The following IRX2 variants were observed in gnomAD, a reference collection of about 807,000 sequenced individuals.
The protein encoded by IRX2 is iroquois homeobox 2.
IRX2 carries 26 observed loss-of-function variants against 42.9 expected under a neutral mutation model. The ratio of observed to expected loss-of-function variants is 0.61; its 90% CI spans 0.44 to 0.84. IRX2 has a LOEUF of 0.84. IRX2 is among the 40% of genes least tolerant of loss of function. The probability of loss-of-function intolerance (pLI) is 0.00; values close to 1 mark genes in which losing one functional copy is unlikely to be tolerated. For synonymous variants in IRX2, 424 were observed against 353.9 expected, an observed-to-expected ratio of 1.20 and a Z score of -2.22; for missense variants, 782 against 713.9, an observed-to-expected ratio of 1.10 and a Z score of -1.09.
downstream of IRX2, among the ~76,000 whole-genome samples, chr5:2,741,804 T>C (rs3736344): frequency 1.3e-3 from 200 of 152,362 alleles, 1 homozygote; most frequent in Admixed American, 0.011. Context: ...TTTAAGAATA[T>C]TACATTTCAT....
At position 2,750,807 on chromosome 5, in the gene IRX2, G is replaced by T. The variant is rs528145872; in HGVS notation, c.249+358C>A. Among the ~76,000 whole-genome samples the T allele has an allele frequency of 1.3e-3, 197 of 152,326 alleles. 1 individual carries two copies. The highest frequency in any genetic ancestry group is 4.4e-3 in the African/African-American group (183 of 41,576). ...GCCAATGCAGGCGAGCACACAGCCCGCTCCGAACGCCTCCCCAGGCTGCGG... is the reference window on the plus strand; with the variant it reads ...GCCAATGCAGGCGAGCACACAGCCCTCTCCGAACGCCTCCCCAGGCTGCGG... On this transcript the variant is annotated intron_variant, in intron 1 of 3. Coordinates refer to ENST00000302057, the MANE Select transcript of IRX2 (RefSeq NM_033267.5).
chr5:2,736,061 C>G, the IRX2 span, among the ~76,000 whole-genome samples: 2 of 152,168 alleles, frequency 1.3e-5, no homozygotes, highest in Admixed American at 6.5e-5. Flanking sequence ...CTGAACTGAC[C>G]TTCTTACCCT....
In IRX2 at chr5:2,751,094, G is replaced by A; in HGVS notation, c.249+71C>T. On this transcript the variant is annotated intron_variant, in intron 1 of 3. Transcript: ENST00000302057. This position sits in a 1 kb window ranked among gnomAD's most constrained non-coding sequence, Gnocchi z 4.0. ...GGCGGCCCCCGCCCGCCGAACCCGA[G>A]CCCCGCTCCGCCTGAGCCCCGTCTG... 2 of 1,193,700 alleles carry A rather than the reference G, an allele frequency of 1.7e-6. No homozygotes were observed. The highest frequency in any genetic ancestry group is 2.1e-6 in the Non-Finnish European group (2 of 963,342). The allele number at this position is 1,193,700 out of a possible 1,614,324, so 73.9% of individuals were successfully genotyped here.
At chr5:2,743,692 T>C (rs899192194), downstream of IRX2, among the ~76,000 whole-genome samples, 4 of 152,228 alleles carry the variant, frequency 2.6e-5, no homozygotes, top group Non-Finnish European at 5.9e-5. Context: ...TTTTTGACTA[T>C]GAAAATTTTA....
chr5:2,747,304 CACAT>C lies in IRX2; in HGVS notation c.*256_*259del, dbSNP rs1345346265. Reference sequence around the variant, plus strand: ...TATATATATTACACACACACACACACACATATATATATATATTTTTTTTTTCCTT... The same window carrying C: ...TATATATATTACACACACACACACACATATATATATATTTTTTTTTTCCTT... On this transcript the variant is annotated 3_prime_UTR_variant, in exon 4 of 4. Coordinates refer to ENST00000302057, the MANE Select transcript of IRX2 (RefSeq NM_033267.5). 1.6e-5 allele frequency: 4 copies of C among 253,196 alleles called. No homozygotes were observed. The highest frequency in any genetic ancestry group is 8.1e-5 in the African/African-American group (3 of 37,004). The allele number at this position is 253,196 out of a possible 1,614,324, so 15.7% of individuals were successfully genotyped here. A position where few individuals can be genotyped will look rare whatever the true frequency, so the allele number is the denominator to read the frequency against.
chr5:2,745,678 T>A (rs796410052), downstream of IRX2, among the ~76,000 whole-genome samples: 7 of 152,324 alleles, frequency 4.6e-5, no homozygotes, highest in African/African-American at 1.7e-4. Context: ...CTTCCATAAA[T>A]TTGAATAATT....
the IRX2 span, among the ~76,000 whole-genome samples, chr5:2,737,480 G>T: frequency 9.8e-5 from 15 of 152,300 alleles, no homozygotes; most frequent in African/African-American, 3.6e-4. Context: ...AGCCTGCTAC[G>T]TGGGGCCCGG....
downstream of IRX2, among the ~76,000 whole-genome samples, chr5:2,744,430 T>A (rs1039859386): frequency 4.6e-5 from 7 of 152,196 alleles, no homozygotes; most frequent in Non-Finnish European, 8.8e-5. Flanking sequence ...TTCCTGCTGA[T>A]TTAGGAAATA....
In IRX2 at chr5:2,751,516, C is replaced by G. The variant is rs985444572; in HGVS notation, c.-103G>C. The G allele has an allele frequency of 1.1e-5, 9 of 840,578 alleles. No individual in the cohort carries two copies. The African/African-American group carries it at 1.3e-4, about 12-fold the overall frequency. The allele number at this position is 840,578 out of a possible 1,614,324, so 52.1% of individuals were successfully genotyped here. ...GGGGCGCGGCGCGGCGGCGGGCACC[C>G]GGACGGCCGGCGGAGGCAGGCCGGC... is the stretch of plus-strand genomic sequence containing the variant. On this transcript the variant is annotated 5_prime_UTR_variant, in exon 1 of 4. Transcript: ENST00000302057. This position sits in a 1 kb window ranked among gnomAD's most constrained non-coding sequence, Gnocchi z 4.0.
At position 2,748,331 on chromosome 5, in the gene IRX2, C is replaced by T. The variant is rs892460432; in HGVS notation, c.1363+14G>A. The T allele has an allele frequency of 7.2e-7, 1 of 1,390,862 alleles. No homozygotes were observed. Among genetic ancestry groups the T allele is most frequent in the Non-Finnish European group, 9.2e-7 (1 of 1,083,766 alleles). 86.2% of individuals were successfully genotyped at this position (1,390,862 alleles called of 1,614,324 possible). On this transcript the variant is annotated intron_variant, in intron 3 of 3. Coordinates refer to ENST00000302057, the MANE Select transcript of IRX2 (RefSeq NM_033267.5). ...CCCTCCCCTCCCGGGCGCCGCCGGC[C>T]GCGGGCCGCCTACCTTTCTTGGGCT...
chr5:2,747,741 GCCGCTA>G, intron 3 of IRX2, 125 bp from the exon 4 acceptor site: 1 of 885,304 alleles, frequency 1.1e-6, no homozygotes, highest in Non-Finnish European at 1.8e-6. Context: ...TGTCTCCAGG[GCCGCTA>G]TCTGAGACGA....
the IRX2 span, among the ~76,000 whole-genome samples, chr5:2,739,243 G>T: frequency 2.0e-5 from 3 of 152,228 alleles, no homozygotes; most frequent in African/African-American, 7.2e-5. Flanking sequence ...GCCGGCCCTC[G>T]CTCCGTGCGC....
chr5:2,749,911 G>C (rs981657209), intron 1 of IRX2, 124 bp from the exon 2 acceptor site: 1 of 966,938 alleles, frequency 1.0e-6, no homozygotes, highest in Non-Finnish European at 1.5e-6. Flanking sequence ...CTGGGGCTGC[G>C]CTTCCCGCCG....
Position 2,748,325 on chromosome 5 carries a change from G to A in IRX2, c.1363+20C>T, listed in dbSNP as rs112775132. 2 of 1,381,590 alleles carry A rather than the reference G, an allele frequency of 1.4e-6. No individual in the cohort carries two copies. The highest frequency in any genetic ancestry group is 1.5e-5 in the African/African-American group (1 of 65,276). 85.6% of individuals were successfully genotyped at this position (1,381,590 alleles called of 1,614,324 possible). ...GGCTCTCCCTCCCCTCCCGGGCGCC[G>A]CCGGCCGCGGGCCGCCTACCTTTCT... On this transcript the variant is annotated intron_variant, in intron 3 of 3. Coordinates refer to ENST00000302057, the MANE Select transcript of IRX2 (RefSeq NM_033267.5).
intron 1 of IRX2, 107 bp from the exon 2 acceptor site, chr5:2,749,894 T>C: frequency 1.7e-6 from 2 of 1,196,870 alleles, no homozygotes; most frequent in South Asian, 3.1e-5. Context: ...CCCCCGTGAG[T>C]CTGGCTCTGG....
the IRX2 span, chr5:2,736,688 T>G: frequency 6.6e-6 from 1 of 152,218 alleles, no homozygotes. Context: ...TTCTATTTTT[T>G]TAAAGGCAAA....
chr5:2,748,324 C>T, intron 3 of IRX2, 21 bp downstream of exon 3: 1 of 1,383,114 alleles, frequency 7.2e-7, no homozygotes, highest in Non-Finnish European at 9.3e-7. Flanking sequence ...TCCCGGGCGC[C>T]GCCGGCCGCG....
chr5:2,748,344 C>T lies in IRX2; in HGVS notation c.1363+1G>A, dbSNP rs1737758950. The T allele has an allele frequency of 7.0e-7, 1 of 1,428,216 alleles. No homozygotes were observed. The highest frequency in any genetic ancestry group is 9.1e-7 in the Non-Finnish European group (1 of 1,100,828). The allele number at this position is 1,428,216 out of a possible 1,614,324, so 88.5% of individuals were successfully genotyped here. On this transcript the variant is annotated splice_donor_variant, in intron 3 of 3. Coordinates refer to ENST00000302057, the MANE Select transcript of IRX2 (RefSeq NM_033267.5). LOFTEE classifies it high-confidence loss of function. The stretch of plus-strand genomic sequence containing the variant: ...GGCGCCGCCGGCCGCGGGCCGCCTA[C>T]CTTTCTTGGGCTCGTAGCCGCCGCC...
chr5:2,744,180 G>A (rs537370300), downstream of IRX2, among the ~76,000 whole-genome samples: 10 of 151,706 alleles, frequency 6.6e-5, no homozygotes, highest in Non-Finnish European at 1.3e-4. Context: ...AAAGGGAGGC[G>A]GCTTTTACCC....
Sources: allele counts gnomAD v4.1 joint callset (sites outside exome capture counted in the v4.1 genomes callset), GRCh38; gene constraint gnomAD v4.1.1; non-coding constraint Gnocchi (gnomAD v3.1); transcripts MANE v1.5; gene names NCBI Gene and HGNC (gene_info 2026-07-23, HGNC 2026-07-21).